Variants in WDR70 observed in about 807,000 individuals in gnomAD.
WDR70 encodes WD repeat-containing protein 70.
WDR70 carries 53 observed loss-of-function variants against 88.6 expected under a neutral mutation model. The ratio of observed to expected loss-of-function variants is 0.60; its 90% CI spans 0.48 to 0.75. The LOEUF (loss-of-function observed/expected upper bound fraction) is 0.75, where lower values mean the gene tolerates loss of function less well. WDR70 is among the 30% of genes least tolerant of loss of function. The pLI is 0.00. For missense variants in WDR70, 610 were observed against 823.2 expected (o/e 0.74, Z 3.17); for synonymous variants, 280 against 270.0 (o/e 1.04, Z -0.36).
chr5:37,676,241 A>C (rs1411672110), intron 10 of WDR70, among the ~76,000 whole-genome samples: 4 of 151,194 alleles, frequency 2.6e-5, no homozygotes, highest in Non-Finnish European at 5.9e-5. Context: ...TCTCCTGCCT[A>C]ATTGCCCTGG....
At chr5:37,683,828 T>C (rs1170884684) in intron 10 of WDR70, among the ~76,000 whole-genome samples, 1 of 152,196 alleles carries the variant, frequency 6.6e-6, no homozygotes, top group Non-Finnish European at 1.5e-5. Flanking sequence ...CTTGGAATGA[T>C]CTTCTCATGA....
intron 10 of WDR70, among the ~76,000 whole-genome samples, chr5:37,648,572 T>G (rs1238220648): frequency 2.3e-5 from 3 of 128,718 alleles, no homozygotes; most frequent in African/African-American, 1.0e-4. Context: ...CACTGTAAAA[T>G]AACACCAACA....
At chr5:37,749,488 C>G (rs1024991630) in intron 17 of WDR70, among the ~76,000 whole-genome samples, 61 of 151,898 alleles carry the variant, frequency 4.0e-4, no homozygotes, top group African/African-American at 1.3e-3. Context: ...GGTCATGCAG[C>G]AAACCACATG....
intron 9 of WDR70, among the ~76,000 whole-genome samples, chr5:37,552,545 A>G (rs1252203015): frequency 6.6e-6 from 1 of 152,208 alleles, no homozygotes; most frequent in Non-Finnish European, 1.5e-5. Flanking sequence ...GGATAGCATA[A>G]AAGTAGTTAC....
intron 12 of WDR70, among the ~76,000 whole-genome samples, chr5:37,701,456 G>A (rs1040832878): frequency 1.3e-5 from 2 of 152,070 alleles, no homozygotes; most frequent in Admixed American, 6.6e-5. Context: ...TTGTATAAAT[G>A]ACAAGGTAGG....
At chr5:37,558,181 A>G (rs1452597336) in intron 9 of WDR70, among the ~76,000 whole-genome samples, 1 of 152,098 alleles carries the variant, frequency 6.6e-6, no homozygotes, top group Non-Finnish European at 1.5e-5. Context: ...TTCAACAGAA[A>G]TATCAGCCAT....
intron 8 of WDR70, among the ~76,000 whole-genome samples, chr5:37,481,101 C>G (rs1314237161): frequency 6.6e-6 from 1 of 152,232 alleles, no homozygotes; most frequent in Non-Finnish European, 1.5e-5. Flanking sequence ...TTGGGCAGCC[C>G]CGCCCCTGTG....
At chr5:37,645,306 C>T (rs962602677) in intron 10 of WDR70, among the ~76,000 whole-genome samples, 2 of 151,606 alleles carry the variant, frequency 1.3e-5, no homozygotes, top group African/African-American at 4.8e-5. Flanking sequence ...TTCCAAATTC[C>T]CCTTGTTGTT....
At chr5:37,701,466 G>A (rs1747160559) in intron 12 of WDR70, among the ~76,000 whole-genome samples, 1 of 151,992 alleles carries the variant, frequency 6.6e-6, no homozygotes, top group South Asian at 2.1e-4. Flanking sequence ...GACAAGGTAG[G>A]CCTTTTAAAA....
At chr5:37,397,209 A>G (rs1749045106) in intron 5 of WDR70, among the ~76,000 whole-genome samples, 1 of 142,004 alleles carries the variant, frequency 7.0e-6, no homozygotes, top group South Asian at 2.3e-4. Flanking sequence ...GACAGCCTGT[A>G]TTGAAAGAAC....
At chr5:37,506,681 A>G (rs922838654) in intron 8 of WDR70, 3 of 791,250 alleles carry the variant, frequency 3.8e-6, no homozygotes, top group East Asian at 4.9e-5. Context: ...ATAAAACATC[A>G]TCATCCCTGA....
At chr5:37,587,436 G>C (rs10941344) in intron 9 of WDR70, among the ~76,000 whole-genome samples, 71,018 of 151,266 alleles carry the variant, frequency 0.47, 18,216 homozygotes, top group Non-Finnish European at 0.58. Context: ...CCCGACACCC[G>C]TTTCCATTTT....
chr5:37,530,665 C>CTTTTTTTTTTTTTTT (rs1741452879), intron 9 of WDR70, among the ~76,000 whole-genome samples: 2 of 150,944 alleles, frequency 1.3e-5, no homozygotes, highest in African/African-American at 4.9e-5. Flanking sequence ...CATTTTTTTT[C>CTTTTTTTTTTTTTTT]TAATTGTGCT....
chr5:37,440,196 C>T (rs1750611311), intron 6 of WDR70, among the ~76,000 whole-genome samples: 1 of 152,108 alleles, frequency 6.6e-6, no homozygotes, highest in Non-Finnish European at 1.5e-5. Context: ...AGTGAATATA[C>T]TTACTATGGC....
intron 8 of WDR70, among the ~76,000 whole-genome samples, chr5:37,480,295 C>G (rs1350246686): frequency 6.6e-6 from 1 of 152,162 alleles, no homozygotes; most frequent in Non-Finnish European, 1.5e-5. Flanking sequence ...TGCTGGCTCT[C>G]TGTCTCTCTG....
intron 9 of WDR70, among the ~76,000 whole-genome samples, chr5:37,569,701 C>G (rs1742844944): frequency 6.6e-6 from 1 of 152,132 alleles, no homozygotes; most frequent in Non-Finnish European, 1.5e-5. Flanking sequence ...CTTTTGTGAG[C>G]TTACAGTCTA....
intron 7 of WDR70, among the ~76,000 whole-genome samples, chr5:37,451,224 A>G (rs533117491): frequency 6.6e-6 from 1 of 152,286 alleles, no homozygotes; most frequent in South Asian, 2.1e-4. Flanking sequence ...AGACAGTAAA[A>G]TCTGACTTGA....
At chr5:37,578,443 A>G (rs547550056) in intron 9 of WDR70, among the ~76,000 whole-genome samples, 2 of 152,310 alleles carry the variant, frequency 1.3e-5, no homozygotes, top group Non-Finnish European at 2.9e-5. Flanking sequence ...TGTAATCAAC[A>G]TGTGGACTCT....
chr5:37,427,565 A>G (rs1026951585), intron 5 of WDR70, among the ~76,000 whole-genome samples: 1 of 151,974 alleles, frequency 6.6e-6, no homozygotes, highest in African/African-American at 2.4e-5. Flanking sequence ...CTCAGTATGT[A>G]ACTGTTCAGG....
Sources: allele counts gnomAD v4.1 joint callset (sites outside exome capture counted in the v4.1 genomes callset), GRCh38; gene constraint gnomAD v4.1.1; transcripts MANE v1.5; gene names NCBI Gene and HGNC (gene_info 2026-07-23, HGNC 2026-07-21).